GRIN1: variants seen among roughly 807,000 people sequenced by gnomAD.
The protein encoded by GRIN1 is glutamate ionotropic receptor NMDA type subunit 1.
GRIN1 carries 38 observed loss-of-function variants against 103.0 expected under a neutral mutation model. That is an observed-to-expected ratio of 0.37 (90% CI 0.28 to 0.48). GRIN1 has a LOEUF of 0.48. Among genes scored for constraint, GRIN1 ranks in the 20% least tolerant of loss-of-function variants. The probability of loss-of-function intolerance (pLI) is 0.98; values close to 1 mark genes in which losing one functional copy is unlikely to be tolerated. For synonymous variants in GRIN1, 544 were observed against 532.7 expected (o/e 1.02, Z -0.29); for missense variants, 577 against 1,288.9 (o/e 0.45, Z 8.46).
intron 4 of GRIN1, among the ~76,000 whole-genome samples, chr9:137,152,064 G>A (rs970024191): frequency 2.6e-5 from 4 of 151,486 alleles, no homozygotes; most frequent in African/African-American, 7.3e-5. Context: ...CTGCCACCAC[G>A]CCCTGCTACT....
Position 137,163,413 on chromosome 9 carries a change from G to A in GRIN1, c.2333+83G>A, listed in dbSNP as rs1474229333. ...CTCCCCAGTGCCAGACCACTCCGAG[G>A]CCACCACTGATTTCCCACCCAGGCC... On this transcript the variant is annotated intron_variant, in intron 16 of 19. Transcript: ENST00000371561. 5.2e-6 allele frequency: 8 copies of A among 1,531,398 alleles called. No individual in the cohort carries two copies. The African/African-American group carries it at 1.1e-4, about 21-fold the overall frequency. 94.9% of individuals were successfully genotyped at this position (1,531,398 alleles called of 1,614,324 possible).
At position 137,162,091 on chromosome 9, in the gene GRIN1, G is replaced by A; in HGVS notation, c.1632+3G>A. 6.5e-7 allele frequency: 1 copy of A among 1,546,040 alleles called. No individual in the cohort carries two copies. Among genetic ancestry groups the A allele is most frequent in the South Asian group, 1.2e-5 (1 of 83,980 alleles). On this transcript the variant is annotated splice_donor_region_variant and intron_variant, in intron 11 of 19. Transcript: ENST00000371561. Reference sequence around the variant, plus strand: ...GCCTGACTATTCTGGTCAAGAAGGTGGGCAGGGGCCGGGTGGCGGGGTGGC... The same window carrying A: ...GCCTGACTATTCTGGTCAAGAAGGTAGGCAGGGGCCGGGTGGCGGGGTGGC...
In GRIN1 at chr9:137,158,609, T is replaced by G; in HGVS notation, c.1114-12T>G. ...TGCGTGGCCACCCTCCATCTCATAC[T>G]CCCACCCCCAGGTCATCCCTAATGA... On this transcript the variant is annotated splice_polypyrimidine_tract_variant and intron_variant, in intron 7 of 19. Transcript: ENST00000371561. The G allele has an allele frequency of 6.2e-7, 1 of 1,611,978 alleles. No homozygotes were observed. Among genetic ancestry groups the G allele is most frequent in the South Asian group, 1.1e-5 (1 of 91,046 alleles).
At chr9:137,151,014 A>C (rs1483933066) in intron 4 of GRIN1, among the ~76,000 whole-genome samples, 1 of 129,732 alleles carries the variant, frequency 7.7e-6, no homozygotes, top group African/African-American at 3.0e-5. Context: ...CTCTGCCCAG[A>C]TAAAAGACCC....
rs994422641 is a variant in GRIN1, at chr9:137,168,029, G to A, written c.*502G>A. The A allele has an allele frequency of 6.5e-5, 43 of 658,944 alleles. No homozygotes were observed. Among genetic ancestry groups the A allele is most frequent in the Middle Eastern group, 4.0e-4 (1 of 2,530 alleles). 40.8% of individuals were successfully genotyped at this position (658,944 alleles called of 1,614,324 possible). A position where few individuals can be genotyped will look rare whatever the true frequency, so the allele number is the denominator to read the frequency against. On this transcript the variant is annotated 3_prime_UTR_variant, in exon 20 of 20. Coordinates refer to ENST00000371561, the MANE Select transcript of GRIN1 (RefSeq NM_007327.4). ...GCTGGACCAAGGTGCGGACCGGAGC[G>A]GCTGAGGACGGGGCAGAGCTGAGTC... is the stretch of plus-strand genomic sequence containing the variant.
chr9:137,143,975 A>C (rs1412929210), intron 2 of GRIN1, among the ~76,000 whole-genome samples: 4 of 152,250 alleles, frequency 2.6e-5, no homozygotes, highest in Non-Finnish European at 5.9e-5. Flanking sequence ...AGGGCAAGCA[A>C]GCACCACGCT....
At chr9:137,141,342 G>T (rs1376510552) in intron 1 of GRIN1, among the ~76,000 whole-genome samples, 1 of 152,184 alleles carries the variant, frequency 6.6e-6, no homozygotes, top group Non-Finnish European at 1.5e-5. Flanking sequence ...GCTCCAGGGG[G>T]CTGAGCCGCT....
At position 137,168,002 on chromosome 9, in the gene GRIN1, C is replaced by A. The variant is rs1833970189; in HGVS notation, c.*475C>A. 4.2e-6 allele frequency: 3 copies of A among 720,046 alleles called. No homozygotes were observed. Among genetic ancestry groups the A allele is most frequent in the Non-Finnish European group, 4.8e-6 (2 of 413,390 alleles). 44.6% of individuals were successfully genotyped at this position (720,046 alleles called of 1,614,324 possible). A position where few individuals can be genotyped will look rare whatever the true frequency, so the allele number is the denominator to read the frequency against. Reference sequence around the variant, plus strand: ...CACCCCGCTGCCTGGCGGGCAGCCCCTGCTGGACCAAGGTGCGGACCGGAG... The same window carrying A: ...CACCCCGCTGCCTGGCGGGCAGCCCATGCTGGACCAAGGTGCGGACCGGAG... On this transcript the variant is annotated 3_prime_UTR_variant, in exon 20 of 20. Coordinates refer to ENST00000371561, the MANE Select transcript of GRIN1 (RefSeq NM_007327.4).
chr9:137,148,409 C>G (rs1238775381), intron 3 of GRIN1, among the ~76,000 whole-genome samples: 4 of 152,296 alleles, frequency 2.6e-5, no homozygotes, highest in South Asian at 2.1e-4. Context: ...GCCCACCCGC[C>G]GTGACCCTAG....
intron 10 of GRIN1, among the ~76,000 whole-genome samples, chr9:137,161,643 G>GGCCGGA: frequency 6.8e-6 from 1 of 146,900 alleles, no homozygotes. Flanking sequence ...CTGACGTGGG[G>GGCCGGA]GTCGGAGTGG....
chr9:137,140,922 T>C (rs530793857), intron 1 of GRIN1, among the ~76,000 whole-genome samples: 1 of 152,204 alleles, frequency 6.6e-6, no homozygotes, highest in South Asian at 2.1e-4. Context: ...GCCACCCCCG[T>C]GCCCCAGCCC....
Position 137,168,095 on chromosome 9 carries a change from C to T in GRIN1, c.*568C>T, listed in dbSNP as rs1336987522. On this transcript the variant is annotated 3_prime_UTR_variant, in exon 20 of 20. Coordinates refer to ENST00000371561, the MANE Select transcript of GRIN1 (RefSeq NM_007327.4). Reference sequence around the variant, plus strand: ...CAGGGCGCTCCGGCAGAGGCAGGGCCCTGGGGTCTCTGAGCAGTGGGGAGC... The same window carrying T: ...CAGGGCGCTCCGGCAGAGGCAGGGCTCTGGGGTCTCTGAGCAGTGGGGAGC... 1.7e-6 allele frequency: 1 copy of T among 581,092 alleles called. No homozygotes were observed. Among genetic ancestry groups the T allele is most frequent in the East Asian group, 2.9e-5 (1 of 34,180 alleles). The allele number at this position is 581,092 out of a possible 1,614,324, so 36.0% of individuals were successfully genotyped here. A position where few individuals can be genotyped will look rare whatever the true frequency, so the allele number is the denominator to read the frequency against.
chr9:137,148,527 G>A (rs1323482621), intron 3 of GRIN1, among the ~76,000 whole-genome samples: 1 of 152,204 alleles, frequency 6.6e-6, no homozygotes, highest in Non-Finnish European at 1.5e-5. Flanking sequence ...GAGGGAGCCC[G>A]CCCGCCTGGC....
chr9:137,154,239 C>T (rs1833088282), intron 4 of GRIN1, among the ~76,000 whole-genome samples: 2 of 150,720 alleles, frequency 1.3e-5, no homozygotes, highest in African/African-American at 2.4e-5. Flanking sequence ...ATTCTCGTGC[C>T]TCAGCCTCCC....
At chr9:137,164,667 T>G (rs1833768934) in intron 18 of GRIN1, 1 of 186,460 alleles carries the variant, frequency 5.4e-6, no homozygotes, top group Admixed American at 5.4e-5. Flanking sequence ...ACCTGGCCGC[T>G]GCCAGCACTG....
intron 4 of GRIN1, among the ~76,000 whole-genome samples, chr9:137,152,968 G>A (rs544174516): frequency 1.8e-4 from 26 of 146,122 alleles, no homozygotes; most frequent in African/African-American, 3.1e-4. Context: ...ACACATGTGC[G>A]CAAATGCATG....
chr9:137,168,427 AGG>A lies in GRIN1; in HGVS notation c.*902_*903del. 1 of 190,192 alleles carries A rather than the reference AGG, an allele frequency of 5.3e-6. No homozygotes were observed. The highest frequency in any genetic ancestry group is 1.1e-5 in the Non-Finnish European group (1 of 94,472). 11.8% of individuals were successfully genotyped at this position (190,192 alleles called of 1,614,324 possible). ...TCGGGCCGCCTCCTCCAGACTCGAG[AGG>A]GCTGAGCCCCTCCTCTCCTCGTCCG... On this transcript the variant is annotated 3_prime_UTR_variant, in exon 20 of 20. Transcript: ENST00000371561.
In GRIN1 at chr9:137,145,538, G is replaced by T. The variant is rs867044043; in HGVS notation, c.394-188G>T. Among the ~76,000 whole-genome samples the T allele has an allele frequency of 4.0e-3, 57 of 14,390 alleles. 1 individual carries two copies. The highest frequency in any genetic ancestry group is 0.013 in the East Asian group (3 of 224). The allele number at this position is 14,390 out of a possible 152,430, so 9.4% of individuals were successfully genotyped here. On this transcript the variant is annotated intron_variant, in intron 2 of 19. Coordinates refer to ENST00000371561, the MANE Select transcript of GRIN1 (RefSeq NM_007327.4). ...TCCCAGGGTCTAGAAAGTGTCCCCA[G>T]GGTGGTAGGGACGGGGTGGGAGACA...
intron 6 of GRIN1, 40 bp from the exon 7 acceptor site, chr9:137,158,339 G>A: frequency 6.2e-7 from 1 of 1,609,122 alleles, no homozygotes; most frequent in Non-Finnish European, 8.5e-7. Context: ...GCAGGAGAAG[G>A]AGCATCTCTG....
Sources: allele counts gnomAD v4.1 joint callset (sites outside exome capture counted in the v4.1 genomes callset), GRCh38; gene constraint gnomAD v4.1.1; transcripts MANE v1.5; gene names NCBI Gene and HGNC (gene_info 2026-07-23, HGNC 2026-07-21).